PSTPIP1: variants seen among roughly 807,000 people sequenced by gnomAD.
PSTPIP1 encodes proline-serine-threonine phosphatase interacting protein 1.
A neutral mutation model predicts 69.6 loss-of-function variants in PSTPIP1; 66 were observed. That is an observed-to-expected ratio of 0.95 (90% CI 0.78 to 1.16). The LOEUF is 1.16. PSTPIP1 is among the 50% of genes most tolerant of loss of function. The probability of loss-of-function intolerance (pLI) is 0.00; values close to 1 mark genes in which losing one functional copy is unlikely to be tolerated. For synonymous variants in PSTPIP1, 266 were observed against 222.7 expected (o/e 1.19, Z -1.73); for missense variants, 603 against 557.4 (o/e 1.08, Z -0.82).
chr15:77,015,250 C>T (rs375469954), intron 1 of PSTPIP1, among the ~76,000 whole-genome samples: 1 of 152,194 alleles, frequency 6.6e-6, no homozygotes. Flanking sequence ...GGGCTGTCTA[C>T]TAAATGGCTG....
At chr15:77,008,059 G>T in intron 1 of PSTPIP1, 1 of 456,568 alleles carries the variant, frequency 2.2e-6, no homozygotes. Context: ...AGCTGAGGAT[G>T]GTTCAGGCAA....
At chr15:77,028,441 C>A in intron 6 of PSTPIP1, 113 bp from the exon 7 acceptor site, 1 of 875,798 alleles carries the variant, frequency 1.1e-6, no homozygotes, top group Non-Finnish European at 1.7e-6. Flanking sequence ...TGCCCCCACT[C>A]CACCCGCAAC....
Position 77,037,158 on chromosome 15 carries a change from C to G in PSTPIP1, c.1233C>G (p.Ser411=). 6.2e-7 allele frequency: 1 copy of G among 1,609,858 alleles called. No individual in the cohort carries two copies. Among genetic ancestry groups the G allele is most frequent in the Non-Finnish European group, 8.5e-7 (1 of 1,178,842 alleles). ...RNGQRGFVPG[S]YLEKL is the part of the protein sequence containing the mutation. ...GGCAGCGTGGCTTCGTCCCTGGTTC[C>G]TACCTGGAGAAGCTTTGAGGAAGGG... The change falls in exon 15 of 15, where the codon TCC becomes TCG. Residue 411 remains serine (S), a synonymous_variant. Transcript: ENST00000558012.
At position 77,030,513 on chromosome 15, in the gene PSTPIP1, A is replaced by G. The variant is rs1047977268; in HGVS notation, c.574A>G (p.Arg192Gly). The G allele has an allele frequency of 2.5e-6, 4 of 1,612,400 alleles. No individual in the cohort carries two copies. Among genetic ancestry groups the G allele is most frequent in the African/African-American group, 2.7e-5 (2 of 74,924 alleles). The change falls in exon 9 of 15, where the codon AGG (arginine) becomes GGG (glycine). Residue 192 changes from arginine to glycine, a missense_variant. By Grantham distance (125) the Arg-to-Gly change is moderately radical. Transcript: ENST00000558012. ...DSATEAERVY[R>G]QSIAQLEKVR... ...GCCTGCGCTTTCAGAGCGGGTATAC[A>G]GGCAGAGCATTGCGCAGCTGGAGAA...
Position 77,032,280 on chromosome 15 carries a change from T to C in PSTPIP1, c.742-18T>C, listed in dbSNP as rs760041282. ...AGAGTGGGCATCGGGCTGCGGCCTC[T>C]GCTCTTTCCTGCCCCAGCTCTACGA... On this transcript the variant is annotated intron_variant, in intron 10 of 14. Transcript: ENST00000558012. 2 of 1,611,326 alleles carry C rather than the reference T, an allele frequency of 1.2e-6. No homozygotes were observed. The highest frequency in any genetic ancestry group is 3.3e-5 in the Admixed American group (2 of 59,936).
rs531896742 is a variant in PSTPIP1, at chr15:76,999,056, G to A, written c.36+3447G>A. On this transcript the variant is annotated intron_variant, in intron 1 of 14. Transcript: ENST00000558012. Reference sequence around the variant, plus strand: ...GCACTGGCCTAGCACTGAGTCTAAGGCGCTGGGAAGCCCAGAGAAGGAAGG... The same window carrying A: ...GCACTGGCCTAGCACTGAGTCTAAGACGCTGGGAAGCCCAGAGAAGGAAGG... Among the ~76,000 whole-genome samples the A allele has an allele frequency of 3.9e-5, 6 of 152,320 alleles. 1 individual carries two copies. In the South Asian group the frequency reaches 1.2e-3, roughly 32 times the overall value.
chr15:77,008,661 C>T (rs1346024526), intron 1 of PSTPIP1, among the ~76,000 whole-genome samples: 4 of 152,126 alleles, frequency 2.6e-5, no homozygotes, highest in Non-Finnish European at 5.9e-5. Context: ...CCACCCGCCT[C>T]GGCTTTCCAA....
chr15:77,003,592 G>A (rs1446522495), intron 1 of PSTPIP1, among the ~76,000 whole-genome samples: 2 of 151,890 alleles, frequency 1.3e-5, no homozygotes, highest in Non-Finnish European at 2.9e-5. Context: ...GGAGGTGGAG[G>A]TTGCAGTGAG....
At chr15:77,004,984 G>A (rs945866623) in intron 1 of PSTPIP1, among the ~76,000 whole-genome samples, 1 of 152,118 alleles carries the variant, frequency 6.6e-6, no homozygotes, top group African/African-American at 2.4e-5. Flanking sequence ...ATTACACCCC[G>A]ATTTCTGAGG....
chr15:76,997,700 G>A (rs1022197), intron 1 of PSTPIP1, among the ~76,000 whole-genome samples: 44,889 of 151,946 alleles, frequency 0.3, 7,692 homozygotes, highest in East Asian at 0.5. Context: ...TGGCTTCGGG[G>A]TAAGATAAGA....
intron 3 of PSTPIP1, among the ~76,000 whole-genome samples, chr15:77,019,366 G>A (rs868373949): frequency 6.6e-6 from 1 of 152,212 alleles, no homozygotes; most frequent in Non-Finnish European, 1.5e-5. Flanking sequence ...GAGGGGCCCT[G>A]AGCCTGACCC....
rs1364447582 is a variant in PSTPIP1 at position 77,029,510 on chromosome 15, T to C, written c.517-19T>C. On this transcript the variant is annotated intron_variant, in intron 7 of 14. Transcript: ENST00000558012. ...TCCTGGGGCAGGGGCTTAGCGCTGCTTCCCCTCTGTTTCCTCAGAGTCAGA... is the reference window on the plus strand; with the variant it reads ...TCCTGGGGCAGGGGCTTAGCGCTGCCTCCCCTCTGTTTCCTCAGAGTCAGA... 14 of 1,569,956 alleles carry C rather than the reference T, an allele frequency of 8.9e-6. No individual in the cohort carries two copies. The African/African-American group carries it at 1.2e-4, about 14-fold the overall frequency.
intron 1 of PSTPIP1, among the ~76,000 whole-genome samples, chr15:77,009,442 T>A (rs191521329): frequency 1.3e-5 from 2 of 152,132 alleles, no homozygotes; most frequent in Non-Finnish European, 2.9e-5. Context: ...ATCAGCCCTA[T>A]AAGGGCTTAG....
In PSTPIP1 at chr15:77,012,628, G is replaced by A. The variant is rs554080461; in HGVS notation, c.37-5520G>A. On this transcript the variant is annotated intron_variant, in intron 1 of 14. Transcript: ENST00000558012. ...TGGTGGAGAGGAGTCCCACTGTGGG[G>A]TACTGACTGTAGGGCGGTGGAAGGA... Among the ~76,000 whole-genome samples, 21 of 152,310 alleles carry A rather than the reference G, an allele frequency of 1.4e-4. No homozygotes were observed. In the South Asian group the frequency reaches 3.7e-3, roughly 27 times the overall value.
chr15:77,025,381 G>C, intron 4 of PSTPIP1, 63 bp downstream of exon 4: 1 of 1,581,532 alleles, frequency 6.3e-7, no homozygotes, highest in Non-Finnish European at 8.7e-7. Context: ...GAGGGTTTGG[G>C]GGGACAGAAG....
intron 10 of PSTPIP1, 187 bp downstream of exon 10, chr15:77,031,465 A>C: frequency 1.9e-6 from 1 of 531,650 alleles, no homozygotes; most frequent in Non-Finnish European, 3.4e-6. Flanking sequence ...AGTACCACAC[A>C]GGGCCATGGC....
chr15:77,029,655 C>A, intron 8 of PSTPIP1, 81 bp downstream of exon 8: 2 of 1,399,024 alleles, frequency 1.4e-6, no homozygotes, highest in Non-Finnish European at 2.0e-6. Context: ...ACCCTGGGGA[C>A]ACACACACTC....
At chr15:77,005,862 A>G (rs987894111) in intron 1 of PSTPIP1, among the ~76,000 whole-genome samples, 7 of 152,226 alleles carry the variant, frequency 4.6e-5, no homozygotes, top group Admixed American at 6.5e-5. Context: ...TTCTACGTAT[A>G]TACTTTATTT....
At chr15:77,020,911 C>T (rs945602618) in intron 3 of PSTPIP1, among the ~76,000 whole-genome samples, 18 of 151,312 alleles carry the variant, frequency 1.2e-4, no homozygotes, top group East Asian at 3.9e-4. Context: ...AAAGGTGACC[C>T]GGCTCTTCAA....
Sources: gnomAD v4.1 joint callset for allele counts (sites outside exome capture counted in the v4.1 genomes callset) on GRCh38, gnomAD v4.1.1 for gene constraint, MANE v1.5 for transcripts, NCBI Gene and HGNC (gene_info 2026-07-23, HGNC 2026-07-21) for gene names.